Variants in SPIDR observed in about 807,000 individuals in gnomAD.
SPIDR encodes the protein DNA repair-scaffolding protein.
SPIDR carries 93 observed loss-of-function variants against 104.6 expected under a neutral mutation model. That is an observed-to-expected ratio of 0.89 (90% CI 0.75 to 1.06). SPIDR has a LOEUF of 1.06. Among genes scored for constraint, SPIDR ranks in the 50% least tolerant of loss-of-function variants. The probability of loss-of-function intolerance (pLI) is 0.00; values close to 1 mark genes in which losing one functional copy is unlikely to be tolerated. For synonymous variants in SPIDR, 431 were observed against 416.9 expected, an observed-to-expected ratio of 1.03 and a Z score of -0.41; for missense variants, 1,154 against 1,111.2, an observed-to-expected ratio of 1.04 and a Z score of -0.55.
At position 47,296,519 on chromosome 8, in the gene SPIDR, T is replaced by C. The variant is rs1554572813; in HGVS notation, c.525+2489T>C. Among the ~76,000 whole-genome samples the C allele has an allele frequency of 9.7e-4, 148 of 152,332 alleles. 1 individual carries two copies. Among genetic ancestry groups the C allele is most frequent in the Non-Finnish European group, 1.7e-3 (118 of 68,012 alleles). The stretch of plus-strand genomic sequence containing the variant: ...TTTCCCAGCACAATTTATTGAGGAT[T>C]GTCCTCTTTCCATTGTATATTCTTG... On this transcript the variant is annotated intron_variant, in intron 5 of 19. Coordinates refer to ENST00000297423, the MANE Select transcript of SPIDR (RefSeq NM_001080394.4).
chr8:47,646,264 T>C (rs754581332), intron 10 of SPIDR, among the ~76,000 whole-genome samples: 2 of 152,198 alleles, frequency 1.3e-5, no homozygotes, highest in South Asian at 2.1e-4. Flanking sequence ...TAGTAACTTT[T>C]GTTTGGTGAG....
At chr8:47,411,906 T>G (rs1356299111) in intron 7 of SPIDR, among the ~76,000 whole-genome samples, 2 of 152,228 alleles carry the variant, frequency 1.3e-5, no homozygotes, top group African/African-American at 4.8e-5. Context: ...ATTTATTAAA[T>G]AAGGATTCCT....
At chr8:47,549,246 T>G (rs555547292) in intron 8 of SPIDR, among the ~76,000 whole-genome samples, 2 of 152,340 alleles carry the variant, frequency 1.3e-5, no homozygotes, top group South Asian at 4.1e-4. Context: ...GCATGTGTCT[T>G]TATAGCAGCA....
At chr8:47,690,671 T>G (rs2078511344) in intron 11 of SPIDR, among the ~76,000 whole-genome samples, 1 of 151,978 alleles carries the variant, frequency 6.6e-6, no homozygotes, top group Non-Finnish European at 1.5e-5. Context: ...ATACAAAAAT[T>G]AACCAGGCAT....
chr8:47,674,736 C>T (rs1253752611), intron 11 of SPIDR, among the ~76,000 whole-genome samples: 1 of 152,150 alleles, frequency 6.6e-6, no homozygotes, highest in Non-Finnish European at 1.5e-5. Context: ...TAGTATCCTC[C>T]AGTAGTTTGC....
At chr8:47,550,902 G>C (rs1230477020) in intron 8 of SPIDR, among the ~76,000 whole-genome samples, 1 of 152,092 alleles carries the variant, frequency 6.6e-6, no homozygotes, top group Non-Finnish European at 1.5e-5. Context: ...ATTGGCTGTG[G>C]GTTTGTCATA....
At chr8:47,543,801 T>C (rs1037208755) in intron 8 of SPIDR, among the ~76,000 whole-genome samples, 18 of 152,114 alleles carry the variant, frequency 1.2e-4, no homozygotes, top group Admixed American at 2.0e-4. Flanking sequence ...TCCAGAGATA[T>C]GGTGGTCAGT....
intron 5 of SPIDR, among the ~76,000 whole-genome samples, chr8:47,311,861 C>T (rs2044230678): frequency 6.6e-6 from 1 of 152,042 alleles, no homozygotes; most frequent in South Asian, 2.1e-4. Context: ...TAATGCTATC[C>T]CTCCCCACTT....
intron 5 of SPIDR, among the ~76,000 whole-genome samples, chr8:47,369,134 G>T (rs1244462635): frequency 6.6e-6 from 1 of 152,206 alleles, no homozygotes; most frequent in Non-Finnish European, 1.5e-5. Flanking sequence ...GAAGAGAAAT[G>T]TGACTAAGAT....
At chr8:47,572,969 G>A (rs1220124529) in intron 8 of SPIDR, among the ~76,000 whole-genome samples, 1 of 152,070 alleles carries the variant, frequency 6.6e-6, no homozygotes, top group Non-Finnish European at 1.5e-5. Flanking sequence ...TGACATCGTT[G>A]ATGAAAACAA....
intron 10 of SPIDR, among the ~76,000 whole-genome samples, chr8:47,663,946 T>C (rs1020101437): frequency 1.3e-4 from 20 of 152,174 alleles, no homozygotes; most frequent in African/African-American, 4.3e-4. Context: ...CTAGAAATTG[T>C]CCTAAGGGCA....
chr8:47,494,613 C>T (rs942015289), intron 8 of SPIDR, among the ~76,000 whole-genome samples: 7 of 151,902 alleles, frequency 4.6e-5, no homozygotes, highest in African/African-American at 1.7e-4. Flanking sequence ...CTAGATTTTA[C>T]AAGGCTTTTG....
At chr8:47,499,178 C>A (rs1283907565) in intron 8 of SPIDR, among the ~76,000 whole-genome samples, 1 of 152,110 alleles carries the variant, frequency 6.6e-6, no homozygotes, top group Non-Finnish European at 1.5e-5. Flanking sequence ...TAATACTAAG[C>A]AGAGAAAATA....
intron 8 of SPIDR, chr8:47,527,794 GGACA>G (rs2085266120): frequency 6.6e-6 from 1 of 152,194 alleles, no homozygotes; most frequent in Non-Finnish European, 1.5e-5. Context: ...TTCCATCTTT[GGACA>G]GAGAGCTACT....
chr8:47,440,469 G>C lies in SPIDR; in HGVS notation c.1024G>C (p.Val342Leu). ...VAPRPGAGLK[V>L]LFTKETAGYL... is the part of the protein sequence containing the mutation. ...TCCCAGGCCTGGAGCTGGCCTGAAA[G>C]TTCTCTTCACCAAGGAGACTGCAGG... Residue 342 changes from valine (V) to leucine (L), a missense_variant, in exon 8 of 20, where the codon GTT becomes CTT. Physicochemically the swap from Val to Leu is conservative, Grantham distance 32 (BLOSUM62 1). Coordinates refer to ENST00000297423, the MANE Select transcript of SPIDR (RefSeq NM_001080394.4). The C allele has an allele frequency of 6.2e-7, 1 of 1,614,210 alleles. No homozygotes were observed. Among genetic ancestry groups the C allele is most frequent in the South Asian group, 1.1e-5 (1 of 91,084 alleles).
At chr8:47,382,617 C>G (rs187046354) in intron 5 of SPIDR, among the ~76,000 whole-genome samples, 1 of 152,056 alleles carries the variant, frequency 6.6e-6, no homozygotes, top group South Asian at 2.1e-4. Context: ...TTCACCATGT[C>G]GGCTAGGATG....
At chr8:47,540,230 C>G (rs550649757) in intron 8 of SPIDR, among the ~76,000 whole-genome samples, 2 of 152,060 alleles carry the variant, frequency 1.3e-5, no homozygotes, top group Non-Finnish European at 2.9e-5. Context: ...AAATTGTTCT[C>G]GCGGTTTCTC....
At chr8:47,552,913 C>T (rs2090772470) in intron 8 of SPIDR, among the ~76,000 whole-genome samples, 1 of 152,064 alleles carries the variant, frequency 6.6e-6, no homozygotes, top group Non-Finnish European at 1.5e-5. Flanking sequence ...TGTTCCTTTC[C>T]ATGTTTAGTG....
chr8:47,347,491 C>G (rs1397074930), intron 5 of SPIDR, among the ~76,000 whole-genome samples: 4 of 152,140 alleles, frequency 2.6e-5, no homozygotes, highest in African/African-American at 9.7e-5. Context: ...AGTTCAATTC[C>G]TGGATATCCT....
Sources: gnomAD v4.1 joint callset for allele counts (sites outside exome capture counted in the v4.1 genomes callset) on GRCh38, gnomAD v4.1.1 for gene constraint, MANE v1.5 for transcripts, NCBI Gene and HGNC (gene_info 2026-07-23, HGNC 2026-07-21) for gene names.